Variants in ROR1 observed in about 807,000 individuals in gnomAD.
ROR1 encodes the protein inactive tyrosine-protein kinase transmembrane receptor ROR1.
ROR1 carries 19 observed loss-of-function variants against 78.8 expected under a neutral mutation model. The ratio of observed to expected loss-of-function variants is 0.24; its 90% CI spans 0.17 to 0.35. The LOEUF is 0.35. Ranked by LOEUF, ROR1 falls within the 10% of genes least tolerant of loss-of-function variation. ROR1 has a pLI of 1.00. For missense variants in ROR1, 917 were observed against 1,177.8 expected (o/e 0.78, Z 3.24); for synonymous variants, 386 against 433.6 (o/e 0.89, Z 1.36).
intron 2 of ROR1, among the ~76,000 whole-genome samples, chr1:64,019,236 A>G (rs968812753): frequency 1.3e-5 from 2 of 152,208 alleles, no homozygotes; most frequent in Non-Finnish European, 2.9e-5. Context: ...GATTAATACA[A>G]GTATAGGTGC....
At chr1:64,020,147 G>A (rs979750535) in intron 2 of ROR1, among the ~76,000 whole-genome samples, 5 of 152,118 alleles carry the variant, frequency 3.3e-5, no homozygotes, top group Non-Finnish European at 5.9e-5. Context: ...CTAGCCTCCA[G>A]AAATGTGAAA....
At chr1:64,016,353 A>C (rs1646520699) in intron 2 of ROR1, among the ~76,000 whole-genome samples, 1 of 152,188 alleles carries the variant, frequency 6.6e-6, no homozygotes, top group African/African-American at 2.4e-5. Context: ...AGAAAAGAAA[A>C]TATCTTACTA....
rs1212368576 is a variant in ROR1, at chr1:64,142,574, G to A, written c.1098G>A (p.Gly366=). The change falls in exon 7 of 9, where the codon GGG becomes GGA. Residue 366 remains glycine (G), a synonymous_variant. Transcript: ENST00000371079. ...GCCATTCCTACTGCCGCAACCCAGG[G>A]AATCAAAAGGAAGCTCCCTGGTGCT... ...NGGHSYCRNP[G]NQKEAPWCFT... 1.9e-6 allele frequency: 3 copies of A among 1,614,054 alleles called. No individual in the cohort carries two copies. Among genetic ancestry groups the A allele is most frequent in the Admixed American group, 1.7e-5 (1 of 60,002 alleles).
In ROR1 at chr1:64,146,787, C is replaced by G. The variant is rs528868268; in HGVS notation, c.1174+4137C>G. Among the ~76,000 whole-genome samples the G allele has an allele frequency of 2.6e-5, 4 of 152,322 alleles. No individual in the cohort carries two copies. In the South Asian group the frequency reaches 8.3e-4, roughly 32 times the overall value. ...AGAAACCTTCGAAAGGTCTTTCAGA[C>G]TGAGTAGAAAGAGGGAGATCACTTA... On this transcript the variant is annotated intron_variant, in intron 7 of 8. Coordinates refer to ENST00000371079, the MANE Select transcript of ROR1 (RefSeq NM_005012.4).
At chr1:63,974,526 T>A (rs1392336714) in intron 1 of ROR1, among the ~76,000 whole-genome samples, 1 of 152,112 alleles carries the variant, frequency 6.6e-6, no homozygotes, top group Non-Finnish European at 1.5e-5. Flanking sequence ...CAATGCAACC[T>A]TCGCTTCCCA....
At chr1:64,113,784 G>A (rs1406351881) in intron 4 of ROR1, 1 of 145,470 alleles carries the variant, frequency 6.9e-6, no homozygotes, top group Non-Finnish European at 1.5e-5. Context: ...GAGTTCCAGT[G>A]TTTCGTCCTA....
chr1:64,017,567 A>G (rs535054663), intron 2 of ROR1, among the ~76,000 whole-genome samples: 10 of 152,256 alleles, frequency 6.6e-5, no homozygotes, highest in African/African-American at 1.4e-4. Flanking sequence ...CCAGCCATCA[A>G]TGGAGCAGAA....
intron 1 of ROR1, among the ~76,000 whole-genome samples, chr1:64,004,034 G>A (rs779949927): frequency 2.7e-4 from 41 of 152,262 alleles, no homozygotes; most frequent in Non-Finnish European, 5.0e-4. Flanking sequence ...CTCAAAGCTC[G>A]GCCTCTGAGA....
chr1:64,093,849 A>G (rs1647230131), intron 4 of ROR1, among the ~76,000 whole-genome samples: 1 of 152,186 alleles, frequency 6.6e-6, no homozygotes, highest in Non-Finnish European at 1.5e-5. Context: ...AAGGGCAGGA[A>G]GAAAAAATTA....
At chr1:63,893,011 G>C (rs1645410094) in intron 1 of ROR1, among the ~76,000 whole-genome samples, 1 of 152,190 alleles carries the variant, frequency 6.6e-6, no homozygotes, top group African/African-American at 2.4e-5. Flanking sequence ...GCAAAAAGCA[G>C]CACGGCAGAT....
chr1:63,970,584 A>G (rs549620743), intron 1 of ROR1, among the ~76,000 whole-genome samples: 23 of 152,260 alleles, frequency 1.5e-4, no homozygotes, highest in African/African-American at 5.5e-4. Flanking sequence ...CCTAAGATCA[A>G]CCGCACTTAA....
intron 4 of ROR1, among the ~76,000 whole-genome samples, chr1:64,052,185 CT>C (rs538059021): frequency 0.036 from 4,352 of 121,512 alleles, 156 homozygotes; most frequent in African/African-American, 0.11. Flanking sequence ...TGCTAATCTG[CT>C]TTTTTTTTTT....
chr1:64,139,880 C>T (rs1649244345), intron 5 of ROR1, among the ~76,000 whole-genome samples: 1 of 151,478 alleles, frequency 6.6e-6, no homozygotes, highest in South Asian at 2.1e-4. Flanking sequence ...GGAAATGGTA[C>T]ATATGTAATT....
At position 63,929,399 on chromosome 1, in the gene ROR1, A is replaced by G. The variant is rs944266518; in HGVS notation, c.92-79906A>G. On this transcript the variant is annotated intron_variant, in intron 1 of 8. Transcript: ENST00000371079. ...ATCACCTCCCCTAGGAAGCTTTCCC[A>G]GAGTTCTCCTAGCAGAGTTTCAGTT... is the stretch of plus-strand genomic sequence containing the variant. Among the ~76,000 whole-genome samples, 10 of 152,094 alleles carry G rather than the reference A, an allele frequency of 6.6e-5. 1 individual carries two copies. The highest frequency in any genetic ancestry group is 5.9e-4 in the Admixed American group (9 of 15,272).
chr1:63,919,488 CTTTT>C (rs10644304), intron 1 of ROR1, among the ~76,000 whole-genome samples: 6 of 122,188 alleles, frequency 4.9e-5, no homozygotes, highest in African/African-American at 9.0e-5. Flanking sequence ...ATTGAATTGG[CTTTT>C]TTTTTTTTTT....
intron 1 of ROR1, among the ~76,000 whole-genome samples, chr1:63,986,899 A>C (rs1646257541): frequency 6.6e-6 from 1 of 152,082 alleles, no homozygotes; most frequent in Non-Finnish European, 1.5e-5. Context: ...CTCAAAAAAA[A>C]AAAAGAAAAA....
At position 64,081,770 on chromosome 1, in the gene ROR1, A is replaced by C. The variant is rs1186544047; in HGVS notation, c.482+31054A>C. On this transcript the variant is annotated intron_variant, in intron 4 of 8. Transcript: ENST00000371079. ...TAGGTGACAGCGCGAGACACTGTCA[A>C]AAAAAAAAAAAAAGCGGCAAAATAT... is the stretch of plus-strand genomic sequence containing the variant. Among the ~76,000 whole-genome samples the C allele has an allele frequency of 3.6e-5, 4 of 109,808 alleles. No homozygotes were observed. The South Asian group carries it at 1.2e-3, about 34-fold the overall frequency. 72.0% of individuals were successfully genotyped at this position (109,808 alleles called of 152,430 possible).
Position 64,181,114 on chromosome 1 carries a change from A to G in ROR1, c.*2259A>G, listed in dbSNP as rs1650535115. ...TTTTGTAAGATGACTTTATTTTCAG[A>G]TCTTTTTCTCCTTTTTTGCACAAAA... On this transcript the variant is annotated 3_prime_UTR_variant, in exon 9 of 9. Transcript: ENST00000371079. 6.6e-6 allele frequency: 1 copy of G among 152,078 alleles called. No individual in the cohort carries two copies. Among genetic ancestry groups the G allele is most frequent in the South Asian group, 2.1e-4 (1 of 4,832 alleles). The allele number at this position is 152,078 out of a possible 1,614,324, so 9.4% of individuals were successfully genotyped here.
At chr1:63,811,937 T>G (rs1354504768) in intron 1 of ROR1, among the ~76,000 whole-genome samples, 1 of 151,506 alleles carries the variant, frequency 6.6e-6, no homozygotes, top group Non-Finnish European at 1.5e-5. Flanking sequence ...TAAAGAAGGC[T>G]TTCGGGAAAT....
Sources: allele counts gnomAD v4.1 joint callset (sites outside exome capture counted in the v4.1 genomes callset), GRCh38; gene constraint gnomAD v4.1.1; transcripts MANE v1.5; gene names NCBI Gene and HGNC (gene_info 2026-07-23, HGNC 2026-07-21).